Variants in PTGER3 observed in about 807,000 individuals in gnomAD.
PTGER3 encodes the protein prostaglandin E2 receptor EP3 subtype.
PTGER3 carries 22 observed loss-of-function variants against 34.7 expected under a neutral mutation model. That is an observed-to-expected ratio of 0.63 (90% CI 0.45 to 0.91). The LOEUF (loss-of-function observed/expected upper bound fraction) is 0.91. Ranked by LOEUF, PTGER3 falls within the 40% of genes least tolerant of loss-of-function variation. The pLI, the probability that PTGER3 is intolerant of heterozygous loss-of-function variation, is 0.00. For synonymous variants in PTGER3, 241 were observed against 230.1 expected (o/e 1.05, Z -0.43); for missense variants, 468 against 519.4 (o/e 0.90, Z 0.96).
intron 4 of PTGER3, among the ~76,000 whole-genome samples, chr1:70,894,309 CAAAAAAAAAA>C (rs35974984): frequency 4.3e-5 from 2 of 46,722 alleles, no homozygotes; most frequent in South Asian, 1.8e-3. Flanking sequence ...AACTCCATCT[CAAAAAAAAAA>C]AAAAAAAAAA....
intron 4 of PTGER3, among the ~76,000 whole-genome samples, chr1:70,853,579 G>A (rs1291194979): frequency 6.6e-6 from 1 of 152,124 alleles, no homozygotes; most frequent in Non-Finnish European, 1.5e-5. Context: ...GAAACATTAT[G>A]AGTGATAATA....
At chr1:70,889,462 T>C (rs1314334677) in intron 4 of PTGER3, among the ~76,000 whole-genome samples, 2 of 151,640 alleles carry the variant, frequency 1.3e-5, no homozygotes, top group Non-Finnish European at 2.9e-5. Flanking sequence ...TGTTGGCTTA[T>C]GTTTTATTTA....
intron 4 of PTGER3, among the ~76,000 whole-genome samples, chr1:70,922,364 GA>G (rs1442788199): frequency 7.0e-6 from 1 of 143,260 alleles, no homozygotes; most frequent in Non-Finnish European, 1.5e-5. Flanking sequence ...TGTGAGTCAT[GA>G]AAAAATTTAT....
rs76190670 is a variant in PTGER3 at position 70,994,239 on chromosome 1, T to A, written c.1077+18066A>T. Among the ~76,000 whole-genome samples, 569 of 152,280 alleles carry A rather than the reference T, an allele frequency of 3.7e-3. 3 individuals carry two copies. Among genetic ancestry groups the A allele is most frequent in the African/African-American group, 0.013 (529 of 41,552 alleles). ...AAACTTAATATAAGAACGTAAGAAG[T>A]GTTGCACCCACTAAGACTAGTAGTT... On this transcript the variant is annotated intron_variant, in intron 2 of 3. Transcript: ENST00000306666.
rs899836436 is a variant in PTGER3, at chr1:70,957,367, T to C, written c.1078-3578A>G. Reference sequence around the variant, plus strand: ...CAGGCATTCCTACAACATTTCATCCTCTCCAATATAAATAGAGCAATTTGA... The same window carrying C: ...CAGGCATTCCTACAACATTTCATCCCCTCCAATATAAATAGAGCAATTTGA... On this transcript the variant is annotated intron_variant, in intron 2 of 3. Coordinates refer to the PTGER3 transcript ENST00000356595. 6.6e-5 allele frequency among the ~76,000 whole-genome samples: 10 copies of C among 152,144 alleles called. No individual in the cohort carries two copies. In the East Asian group the frequency reaches 1.9e-3, roughly 29 times the overall value.
chr1:71,002,529 T>C (rs1480252511), intron 2 of PTGER3, among the ~76,000 whole-genome samples: 1 of 152,232 alleles, frequency 6.6e-6, no homozygotes, highest in Non-Finnish European at 1.5e-5. Context: ...AAATTACATA[T>C]GGCCAAAATA....
downstream of PTGER3, chr1:70,970,692 G>GTCCTCT (rs1652986741): frequency 3.8e-6 from 1 of 260,496 alleles, no homozygotes; most frequent in Non-Finnish European, 6.0e-6. Flanking sequence ...GGGAGGAAGA[G>GTCCTCT]AAAAAAAAGG....
At chr1:71,028,518 A>T (rs1659138795) in intron 1 of PTGER3, among the ~76,000 whole-genome samples, 1 of 152,180 alleles carries the variant, frequency 6.6e-6, no homozygotes, top group Non-Finnish European at 1.5e-5. Flanking sequence ...CAACATAAAT[A>T]TAGTGACACT....
chr1:70,993,791 GAAC>G (rs1655681616), intron 2 of PTGER3, among the ~76,000 whole-genome samples: 1 of 152,148 alleles, frequency 6.6e-6, no homozygotes, highest in Admixed American at 6.5e-5. Flanking sequence ...GGGATGCAGT[GAAC>G]AATAAGAAGA....
At chr1:70,960,967 C>T (rs1394849634) in intron 2 of PTGER3, among the ~76,000 whole-genome samples, 1 of 152,156 alleles carries the variant, frequency 6.6e-6, no homozygotes, top group Non-Finnish European at 1.5e-5. Context: ...AAACAGATTG[C>T]TGTCTCTCTT....
intron 3 of PTGER3, among the ~76,000 whole-genome samples, chr1:70,971,951 A>G (rs1022534068): frequency 3.3e-5 from 5 of 152,200 alleles, no homozygotes; most frequent in Non-Finnish European, 2.9e-5. Context: ...AACAAGTTTC[A>G]ATTAGTATAT....
At chr1:70,950,040 CAGGAGTTA>C (rs1275429766), downstream of PTGER3, among the ~76,000 whole-genome samples, 5 of 152,048 alleles carry the variant, frequency 3.3e-5, no homozygotes, top group Admixed American at 3.3e-4. Context: ...CACGTACTGG[CAGGAGTTA>C]AGGAGTGAAG....
intron 2 of PTGER3, among the ~76,000 whole-genome samples, chr1:70,995,564 GTCTT>G (rs1285446289): frequency 1.3e-5 from 2 of 152,066 alleles, no homozygotes; most frequent in African/African-American, 4.8e-5. Flanking sequence ...CCTAGTCTTA[GTCTT>G]TCTTTAAAAA....
intron 4 of PTGER3, among the ~76,000 whole-genome samples, chr1:70,905,844 C>T (rs753723892): frequency 6.6e-6 from 1 of 152,152 alleles, no homozygotes; most frequent in East Asian, 1.9e-4. Flanking sequence ...AATGTGAGAA[C>T]AAGAGATTTG....
intron 2 of PTGER3, among the ~76,000 whole-genome samples, chr1:70,960,435 A>T (rs1651809220): frequency 6.6e-6 from 1 of 152,170 alleles, no homozygotes; most frequent in Admixed American, 6.5e-5. Flanking sequence ...AATATCTTTA[A>T]GCATTGCCTT....
chr1:71,036,289 A>T (rs143223837), intron 1 of PTGER3, among the ~76,000 whole-genome samples: 41 of 152,280 alleles, frequency 2.7e-4, no homozygotes, highest in African/African-American at 8.7e-4. Context: ...AAGCCAAAAA[A>T]CTTGGAGCAG....
intron 4 of PTGER3, among the ~76,000 whole-genome samples, chr1:70,890,584 A>G (rs1482762821): frequency 6.6e-6 from 1 of 152,170 alleles, no homozygotes; most frequent in Non-Finnish European, 1.5e-5. Context: ...ACTCAGCTGC[A>G]TGGTTCGTCT....
rs1464371257 is a variant in PTGER3, at chr1:70,975,869, C to T, written c.1078-1481G>A. Among the ~76,000 whole-genome samples the T allele has an allele frequency of 3.9e-5, 6 of 152,220 alleles. No individual in the cohort carries two copies. In the South Asian group the frequency reaches 1.0e-3, roughly 26 times the overall value. On this transcript the variant is annotated intron_variant, in intron 2 of 3. Coordinates refer to ENST00000306666, the MANE Select transcript of PTGER3 (RefSeq NM_198719.2). ...TTGTCTGCAAGACTTTCAAAGCCCCCTTTGTACTCCTATGTGAGAAGATTC... is the reference window on the plus strand; with the variant it reads ...TTGTCTGCAAGACTTTCAAAGCCCCTTTTGTACTCCTATGTGAGAAGATTC...
In PTGER3 at chr1:71,047,112, C is replaced by A. The variant is rs1314186270; in HGVS notation, c.466G>T (p.Ala156Ser). Residue 156 changes from alanine to serine, a missense_variant, in exon 1 of 4, where the codon GCG (alanine) becomes TCG (serine). By Grantham distance (99) the Ala-to-Ser change is moderately conservative. Coordinates refer to ENST00000306666, the MANE Select transcript of PTGER3 (RefSeq NM_198719.2). ...FIASAMAVER[A>S]LAIRAPHWYA... ...CAGTGCGGCGCCCTGATGGCCAGCG[C>A]CCGCTCGACGGCCATGGCGCTGGCG... 1 of 1,604,270 alleles carries A rather than the reference C, an allele frequency of 6.2e-7. No homozygotes were observed. The highest frequency in any genetic ancestry group is 8.5e-7 in the Non-Finnish European group (1 of 1,175,942).
Sources: allele counts gnomAD v4.1 joint callset (sites outside exome capture counted in the v4.1 genomes callset), GRCh38; gene constraint gnomAD v4.1.1; transcripts MANE v1.5; gene names NCBI Gene and HGNC (gene_info 2026-07-23, HGNC 2026-07-21).